Variants in SNAP23 observed in about 807,000 individuals in gnomAD.
The protein encoded by SNAP23 is synaptosomal-associated protein 23.
In SNAP23, 11 loss-of-function variants were observed where a neutral mutation model predicts 29.0. That is an observed-to-expected ratio of 0.38 (90% CI 0.24 to 0.63). SNAP23 has a LOEUF of 0.63. Ranked by LOEUF, SNAP23 falls within the 20% of genes least tolerant of loss-of-function variation. SNAP23 has a pLI of 0.58. For missense variants in SNAP23, 220 were observed against 253.9 expected (o/e 0.87, Z 0.91); for synonymous variants, 60 against 82.9 (o/e 0.72, Z 1.50).
chr15:42,520,554 G>A (rs936963314), intron 5 of SNAP23, among the ~76,000 whole-genome samples: 9 of 151,930 alleles, frequency 5.9e-5, no homozygotes, highest in Admixed American at 5.2e-4. Context: ...GAGTGCAGTG[G>A]CACGATCTCG....
At chr15:42,492,200 C>G (rs1018557624), upstream of SNAP23, among the ~76,000 whole-genome samples, 3 of 152,048 alleles carry the variant, frequency 2.0e-5, no homozygotes, top group Non-Finnish European at 4.4e-5. Flanking sequence ...TGTGAGCCAC[C>G]GCGCCCGGCC....
At chr15:42,502,983 C>T (rs1485535178) in intron 1 of SNAP23, among the ~76,000 whole-genome samples, 3 of 152,086 alleles carry the variant, frequency 2.0e-5, no homozygotes, top group African/African-American at 7.2e-5. Context: ...GAGTCAGGGT[C>T]TTGCTATGTT....
intron 1 of SNAP23, among the ~76,000 whole-genome samples, chr15:42,500,384 T>C (rs1304114678): frequency 6.6e-6 from 1 of 150,718 alleles, no homozygotes; most frequent in Non-Finnish European, 1.5e-5. Flanking sequence ...GCTCTTTTCT[T>C]TTCCCTTTTT....
At chr15:42,506,241 G>A (rs1386087338) in intron 1 of SNAP23, among the ~76,000 whole-genome samples, 1 of 151,706 alleles carries the variant, frequency 6.6e-6, no homozygotes, top group Non-Finnish European at 1.5e-5. Flanking sequence ...CACTGTGACC[G>A]GCCCATTTCT....
In SNAP23 at chr15:42,515,350, A is replaced by C. The variant is rs752356197; in HGVS notation, c.262A>C (p.Asn88His). 6.4e-7 allele frequency: 1 copy of C among 1,572,416 alleles called. No individual in the cohort carries two copies. The highest frequency in any genetic ancestry group is 2.2e-5 in the East Asian group (1 of 44,476). Residue 88 changes from asparagine to histidine, a missense_variant, in exon 5 of 8, where the codon AAT becomes CAT. Transcript: ENST00000249647. ...CTGTGGCCTTTGTGTCTGCCCATGT[A>C]ATAGGTGAGTTGATAAATTAAGATG... is the stretch of plus-strand genomic sequence containing the variant. ...KCCGLCVCPC[N>H]RTKNFESGKA...
intron 5 of SNAP23, chr15:42,521,466 T>C: frequency 7.4e-7 from 1 of 1,343,948 alleles, no homozygotes; most frequent in Non-Finnish European, 9.5e-7. Flanking sequence ...ATGTTGGTTG[T>C]TTCTATGAAA....
At chr15:42,530,711 T>C (rs887280276) in intron 7 of SNAP23, among the ~76,000 whole-genome samples, 2 of 152,098 alleles carry the variant, frequency 1.3e-5, no homozygotes, top group African/African-American at 4.8e-5. Flanking sequence ...GATTGCACCA[T>C]TGCATTCCAG....
At chr15:42,502,440 G>A (rs1297914942) in intron 1 of SNAP23, among the ~76,000 whole-genome samples, 1 of 152,214 alleles carries the variant, frequency 6.6e-6, no homozygotes, top group Non-Finnish European at 1.5e-5. Flanking sequence ...GGCATTTTGG[G>A]AGTCCAAGAC....
upstream of SNAP23, among the ~76,000 whole-genome samples, chr15:42,491,901 T>TTTATTTAGTTAGTTAG (rs1555433008): frequency 0.086 from 12,580 of 146,828 alleles, 608 homozygotes; most frequent in Non-Finnish European, 0.11. Context: ...TATTTATTTA[T>TTTATTTAGTTAGTTAG]TTAGTTAGTT....
At chr15:42,501,719 C>T (rs577456145) in intron 1 of SNAP23, among the ~76,000 whole-genome samples, 4 of 152,276 alleles carry the variant, frequency 2.6e-5, no homozygotes, top group South Asian at 2.1e-4. Flanking sequence ...GCCAAAATCA[C>T]GAGAGATATT....
intron 1 of SNAP23, among the ~76,000 whole-genome samples, chr15:42,501,206 A>G (rs547683260): frequency 1.1e-4 from 17 of 152,268 alleles, no homozygotes; most frequent in Middle Eastern, 3.4e-3. Flanking sequence ...GCTCTTCACA[A>G]TATGTGTTCT....
chr15:42,528,307 A>T lies in SNAP23; in HGVS notation c.312A>T (p.Gly104=), dbSNP rs1180552562. ...GCAAGGCTTATAAGACAACATGGGG[A>T]GATGGTGGAGAAAACTCACCTTGCA... ...ESGKAYKTTW[G]DGGENSPCNV... is the part of the protein sequence containing the mutation. The change falls in exon 6 of 8, where the codon GGA becomes GGT. Residue 104 remains glycine, a synonymous_variant. Coordinates refer to ENST00000249647, the MANE Select transcript of SNAP23 (RefSeq NM_003825.4). 4.3e-6 allele frequency: 7 copies of T among 1,614,064 alleles called. No homozygotes were observed. The highest frequency in any genetic ancestry group is 5.9e-6 in the Non-Finnish European group (7 of 1,179,990).
At chr15:42,525,367 CAAAAA>C (rs1208171591) in intron 5 of SNAP23, among the ~76,000 whole-genome samples, 1 of 60,384 alleles carries the variant, frequency 1.7e-5, no homozygotes, top group African/African-American at 5.2e-5. Context: ...GACTCCGTCT[CAAAAA>C]AAAAAAAAAA....
chr15:42,531,053 TCA>T (rs1225769451), intron 7 of SNAP23, among the ~76,000 whole-genome samples: 2 of 152,190 alleles, frequency 1.3e-5, no homozygotes, highest in African/African-American at 2.4e-5. Flanking sequence ...TTCAGAGGAC[TCA>T]CACAAGGTCC....
At chr15:42,527,866 T>C (rs2057518332) in intron 5 of SNAP23, 1 of 162,970 alleles carries the variant, frequency 6.1e-6, no homozygotes, top group Non-Finnish European at 1.4e-5. Context: ...GAACACCTTT[T>C]CTAAGGGACC....
chr15:42,515,543 A>G (rs1463744327), intron 5 of SNAP23, among the ~76,000 whole-genome samples, 189 bp downstream of exon 5: 1 of 152,202 alleles, frequency 6.6e-6, no homozygotes, highest in Non-Finnish European at 1.5e-5. Flanking sequence ...TGTGACTTAC[A>G]TTTGACCAAT....
At chr15:42,530,870 A>G (rs1311564834) in intron 7 of SNAP23, among the ~76,000 whole-genome samples, 1 of 152,260 alleles carries the variant, frequency 6.6e-6, no homozygotes, top group African/African-American at 2.4e-5. Context: ...ACAGTGGTTC[A>G]CAAGATGCTT....
intron 5 of SNAP23, among the ~76,000 whole-genome samples, chr15:42,520,546 G>C (rs1368522879): frequency 6.6e-6 from 1 of 151,946 alleles, no homozygotes; most frequent in Non-Finnish European, 1.5e-5. Context: ...CCAGGCTGGA[G>C]TGCAGTGGCA....
At chr15:42,528,620 G>T (rs914286458) in intron 6 of SNAP23, among the ~76,000 whole-genome samples, 200 bp downstream of exon 6, 1 of 152,114 alleles carries the variant, frequency 6.6e-6, no homozygotes, top group Non-Finnish European at 1.5e-5. Flanking sequence ...GAGTCTTGCT[G>T]TGTTGCCCAG....
Sources: gnomAD v4.1 joint callset for allele counts (sites outside exome capture counted in the v4.1 genomes callset) on GRCh38, gnomAD v4.1.1 for gene constraint, MANE v1.5 for transcripts, NCBI Gene and HGNC (gene_info 2026-07-23, HGNC 2026-07-21) for gene names.